Variants in TRIO observed in about 807,000 individuals in gnomAD.
TRIO encodes trio Rho guanine nucleotide exchange factor, also known as triple functional domain protein.
TRIO carries 58 observed loss-of-function variants against 351.9 expected under a neutral mutation model. That is an observed-to-expected ratio of 0.16 (90% CI 0.13 to 0.21). TRIO has a LOEUF of 0.21. TRIO is among the 10% of genes least tolerant of loss of function. TRIO has a pLI of 1.00. For synonymous variants in TRIO, 1,758 were observed against 1,595.7 expected (o/e 1.10, Z -2.42); for missense variants, 3,201 against 4,027.8 (o/e 0.79, Z 5.56).
intron 53 of TRIO, among the ~76,000 whole-genome samples, chr5:14,500,570 C>T (rs949640372): frequency 6.6e-6 from 1 of 152,078 alleles, no homozygotes; most frequent in African/African-American, 2.4e-5. Context: ...CCCTGTCATC[C>T]CACCAGCCAG....
chr5:14,492,919 C>G lies in TRIO; in HGVS notation c.7880+105C>G, dbSNP rs1315169249. ...CGGGGTAAGCATGTGGAAGGGAGAT[C>G]TGCGCTGGTATGTTAGAACAGGCTC... is the stretch of plus-strand genomic sequence containing the variant. On this transcript the variant is annotated intron_variant, in intron 49 of 56. Transcript: ENST00000344204. 6 of 1,506,120 alleles carry G rather than the reference C, an allele frequency of 4.0e-6. No individual in the cohort carries two copies. In the Admixed American group the frequency reaches 1.0e-4, roughly 25 times the overall value. The allele number at this position is 1,506,120 out of a possible 1,614,324, so 93.3% of individuals were successfully genotyped here. A position where few individuals can be genotyped will look rare whatever the true frequency, so the allele number is the denominator to read the frequency against.
At chr5:14,418,849 A>T (rs1202866262) in intron 33 of TRIO, 1 of 152,346 alleles carries the variant, frequency 6.6e-6, no homozygotes, top group Non-Finnish European at 1.5e-5. Context: ...GATGTTAATG[A>T]GCGCATGAGC....
rs557145602 is a variant in TRIO at position 14,488,113 on chromosome 5, C to T, written c.7485C>T (p.Ser2495=). 3 of 1,609,578 alleles carry T rather than the reference C, an allele frequency of 1.9e-6. No individual in the cohort carries two copies. In the South Asian group the frequency reaches 3.3e-5, roughly 18 times the overall value. ...FWSSIPASPA[S]RPGSFTFPGD... ...GCTCCATCCCCGCCTCCCCCGCCAG[C>T]CGACCCGGCTCCTTCACCTTCCCGG... Residue 2495 remains serine, a synonymous_variant, in exon 48 of 57, where the codon AGC becomes AGT. Transcript: ENST00000344204.
At chr5:14,459,192 G>A (rs1049517315) in intron 34 of TRIO, among the ~76,000 whole-genome samples, 15 of 152,318 alleles carry the variant, frequency 9.8e-5, no homozygotes, top group East Asian at 9.6e-4. Flanking sequence ...TGAGACGGGC[G>A]TGTGCTGTCT....
At chr5:14,490,191 A>G (rs1000317001) in intron 48 of TRIO, among the ~76,000 whole-genome samples, 1 of 152,222 alleles carries the variant, frequency 6.6e-6, no homozygotes, top group African/African-American at 2.4e-5. Flanking sequence ...AGGCAGGAGA[A>G]TCGCTTGAAC....
chr5:14,456,554 A>C (rs1339806845), intron 34 of TRIO, among the ~76,000 whole-genome samples: 1 of 152,258 alleles, frequency 6.6e-6, no homozygotes, highest in Non-Finnish European at 1.5e-5. Context: ...CCAAAAGGAC[A>C]GGAGCATGCC....
chr5:14,399,193 C>T (rs1385865484), intron 30 of TRIO, 123 bp downstream of exon 30: 5 of 947,780 alleles, frequency 5.3e-6, no homozygotes, highest in Non-Finnish European at 8.1e-6. Context: ...ATGTTCAAGT[C>T]TGAATTGTGG....
chr5:14,487,085 T>C (rs1755968984), intron 47 of TRIO, among the ~76,000 whole-genome samples: 1 of 152,070 alleles, frequency 6.6e-6, no homozygotes, highest in Non-Finnish European at 1.5e-5. Flanking sequence ...GCAGAGGTGG[T>C]CTATGAAACC....
chr5:14,356,057 T>C (rs1436924606), intron 11 of TRIO, among the ~76,000 whole-genome samples: 2 of 152,262 alleles, frequency 1.3e-5, no homozygotes, highest in Non-Finnish European at 2.9e-5. Context: ...TTATTTACTT[T>C]AATATTTTCA....
rs557039091 is a variant in TRIO, at chr5:14,397,054, G to T, written c.4323G>T (p.Thr1441=). ...KYQLLLKELL[T]CCEEGKGEIK... ...GTTTATCTTTGCAGGAGCTGCTGAC[G>T]TGCTGTGAGGAAGGAAAGGGAGAGA... The change falls in exon 29 of 57, where the codon ACG becomes ACT. Residue 1441 remains threonine (T), a synonymous_variant. Coordinates refer to ENST00000344204, the MANE Select transcript of TRIO (RefSeq NM_007118.4). The T allele has an allele frequency of 5.6e-6, 9 of 1,605,082 alleles. No individual in the cohort carries two copies. The highest frequency in any genetic ancestry group is 7.6e-6 in the Non-Finnish European group (9 of 1,176,692).
At chr5:14,424,157 G>A (rs1750434205) in intron 34 of TRIO, among the ~76,000 whole-genome samples, 1 of 152,106 alleles carries the variant, frequency 6.6e-6, no homozygotes. Flanking sequence ...GGAGGCCTGA[G>A]ATGGGGCGGG....
chr5:14,339,742 C>T (rs1311149077), intron 11 of TRIO, among the ~76,000 whole-genome samples: 1 of 152,184 alleles, frequency 6.6e-6, no homozygotes, highest in Non-Finnish European at 1.5e-5. Context: ...TTGTCTTTCC[C>T]TGACCAGCCT....
intron 1 of TRIO, among the ~76,000 whole-genome samples, chr5:14,165,481 G>A (rs1001635479): frequency 6.6e-6 from 1 of 152,164 alleles, no homozygotes; most frequent in Non-Finnish European, 1.5e-5. Flanking sequence ...TGGTGTATAT[G>A]TACCACCTTT....
At chr5:14,325,404 G>T (rs1278872158) in intron 9 of TRIO, among the ~76,000 whole-genome samples, 2 of 152,216 alleles carry the variant, frequency 1.3e-5, no homozygotes, top group African/African-American at 4.8e-5. Context: ...AGGCAAAGGG[G>T]AGCCGGAGCT....
chr5:14,239,811 C>A (rs1291322564), intron 1 of TRIO, among the ~76,000 whole-genome samples: 2 of 152,192 alleles, frequency 1.3e-5, no homozygotes, highest in Admixed American at 1.3e-4. Flanking sequence ...GGGTAGGGAA[C>A]TGTGTAGGAT....
intron 47 of TRIO, 95 bp from the exon 48 acceptor site, chr5:14,487,369 C>T: frequency 9.4e-7 from 1 of 1,065,388 alleles, no homozygotes. Flanking sequence ...GGGTCTGCCC[C>T]ATGACCCATC....
intron 20 of TRIO, among the ~76,000 whole-genome samples, chr5:14,379,323 T>A (rs985837911): frequency 2.6e-5 from 4 of 152,210 alleles, no homozygotes; most frequent in Admixed American, 2.6e-4. Context: ...TGAAGAAAAA[T>A]TAACTTTCTT....
At chr5:14,153,111 C>T (rs142682157) in intron 1 of TRIO, among the ~76,000 whole-genome samples, 2 of 152,228 alleles carry the variant, frequency 1.3e-5, no homozygotes, top group Admixed American at 6.5e-5. Flanking sequence ...TGGAAGCCTT[C>T]GAAAGGCATG....
chr5:14,502,598 C>T lies in TRIO; in HGVS notation c.8352C>T (p.Ile2784=). 4.3e-6 allele frequency: 7 copies of T among 1,614,202 alleles called. No individual in the cohort carries two copies. The South Asian group carries it at 7.7e-5, about 18-fold the overall frequency. ...LRVLGPGMDG[I]MVTWKDNFDS... ...TTGCAGGTCCAGGGATGGATGGGAT[C>T]ATGGTGACCTGGAAAGACAACTTTG... The change falls in exon 54 of 57, where the codon ATC becomes ATT. Residue 2784 remains isoleucine, a synonymous_variant. Coordinates refer to ENST00000344204, the MANE Select transcript of TRIO (RefSeq NM_007118.4).
Sources: allele counts gnomAD v4.1 joint callset (sites outside exome capture counted in the v4.1 genomes callset), GRCh38; gene constraint gnomAD v4.1.1; transcripts MANE v1.5; gene names NCBI Gene and HGNC (gene_info 2026-07-23, HGNC 2026-07-21).